HDAC9: variants seen among roughly 807,000 people sequenced by gnomAD.
HDAC9 encodes the protein histone deacetylase 9.
HDAC9 carries 41 observed loss-of-function variants against 139.4 expected under a neutral mutation model. The observed-to-expected ratio is 0.29, with a 90% CI of 0.23 to 0.38. The LOEUF (loss-of-function observed/expected upper bound fraction) is 0.38, where lower values mean the gene tolerates loss of function less well. Among genes scored for constraint, HDAC9 ranks in the 10% least tolerant of loss-of-function variants. The pLI, the probability that HDAC9 is intolerant of heterozygous loss-of-function variation, is 1.00. For synonymous variants in HDAC9, 517 were observed against 476.2 expected (o/e 1.09, Z -1.12); for missense variants, 1,147 against 1,297.0 (o/e 0.88, Z 1.78).
intron 21 of HDAC9, among the ~76,000 whole-genome samples, chr7:18,864,778 A>C (rs531008627): frequency 1.1e-3 from 171 of 152,248 alleles, no homozygotes; most frequent in Non-Finnish European, 2.3e-3. Context: ...TTACTGTTTC[A>C]CGGTTACAGA....
At chr7:18,527,347 G>A (rs1420977088) in intron 2 of HDAC9, among the ~76,000 whole-genome samples, 1 of 152,012 alleles carries the variant, frequency 6.6e-6, no homozygotes, top group Non-Finnish European at 1.5e-5. Flanking sequence ...TTTCACAGTT[G>A]CCTCCCTCTC....
At chr7:18,948,389 G>A (rs1258174131) in intron 23 of HDAC9, among the ~76,000 whole-genome samples, 1 of 151,972 alleles carries the variant, frequency 6.6e-6, no homozygotes, top group Non-Finnish European at 1.5e-5. Context: ...TTAAAAATCA[G>A]TGAAAATTTA....
At chr7:18,607,106 A>C (rs1453507036) in intron 6 of HDAC9, among the ~76,000 whole-genome samples, 2 of 152,222 alleles carry the variant, frequency 1.3e-5, no homozygotes, top group African/African-American at 4.8e-5. Context: ...TGTTAGTTTC[A>C]AATCAATGAA....
chr7:18,822,199 C>T (rs1053010997), intron 17 of HDAC9, among the ~76,000 whole-genome samples: 1 of 152,188 alleles, frequency 6.6e-6, no homozygotes, highest in African/African-American at 2.4e-5. Flanking sequence ...ATATTTCAAT[C>T]TTCTAATCAT....
chr7:18,379,020 C>T (rs1002758095), intron 1 of HDAC9, among the ~76,000 whole-genome samples: 12 of 152,090 alleles, frequency 7.9e-5, no homozygotes, highest in African/African-American at 2.7e-4. Flanking sequence ...CTAAAAAAAT[C>T]ATTATTCTTA....
intron 6 of HDAC9, among the ~76,000 whole-genome samples, chr7:18,624,183 A>G (rs1841010597): frequency 6.6e-6 from 1 of 152,086 alleles, no homozygotes. Flanking sequence ...TAGGTTTACT[A>G]TTCCTCTCCC....
chr7:18,941,487 G>T (rs1448030317), intron 23 of HDAC9, among the ~76,000 whole-genome samples: 3 of 152,074 alleles, frequency 2.0e-5, no homozygotes, highest in Non-Finnish European at 4.4e-5. Context: ...TGCTCATCAG[G>T]GGTTTGTTTT....
intron 13 of HDAC9, among the ~76,000 whole-genome samples, chr7:18,733,480 T>A (rs1017093006): frequency 8.6e-5 from 13 of 151,418 alleles, no homozygotes; most frequent in African/African-American, 2.9e-4. Flanking sequence ...TGCTTGAAAT[T>A]TCTTTCAAAA....
intron 22 of HDAC9, among the ~76,000 whole-genome samples, chr7:18,905,081 C>T (rs1802102356): frequency 2.0e-5 from 3 of 151,780 alleles, no homozygotes; most frequent in Admixed American, 2.0e-4. Flanking sequence ...GGTTTTTTAG[C>T]AACCTGACCA....
chr7:18,898,715 G>T (rs1045990058), intron 22 of HDAC9, among the ~76,000 whole-genome samples: 6 of 151,736 alleles, frequency 4.0e-5, no homozygotes, highest in African/African-American at 1.4e-4. Flanking sequence ...ACATTTGAAT[G>T]GAAAAAAAGG....
chr7:18,862,115 C>T (rs1585175264), intron 21 of HDAC9, among the ~76,000 whole-genome samples: 1 of 152,286 alleles, frequency 6.6e-6, no homozygotes, highest in East Asian at 1.9e-4. Flanking sequence ...ATAGTTTGCT[C>T]TCCACTCTAG....
At position 18,798,970 on chromosome 7, in the gene HDAC9, G is replaced by T. The variant is rs180813627; in HGVS notation, c.2322+5518G>T. Among the ~76,000 whole-genome samples the T allele has an allele frequency of 8.5e-4, 129 of 151,782 alleles. 1 individual carries two copies. Among genetic ancestry groups the T allele is most frequent in the African/African-American group, 3.1e-3 (129 of 41,360 alleles). ...TATGTCAAACTGATTTTGAGGCTCT[G>T]TTCAAACAGGAAGTGAAGGTCCGGG... On this transcript the variant is annotated intron_variant, in intron 17 of 25. Transcript: ENST00000686413.
At chr7:18,682,240 A>G (rs1781938825) in intron 12 of HDAC9, among the ~76,000 whole-genome samples, 2 of 152,058 alleles carry the variant, frequency 1.3e-5, no homozygotes, top group Non-Finnish European at 2.9e-5. Flanking sequence ...TAAACAATCA[A>G]TAACAAAGAG....
At chr7:18,699,486 A>T (rs1025009164) in intron 12 of HDAC9, among the ~76,000 whole-genome samples, 6 of 152,160 alleles carry the variant, frequency 3.9e-5, no homozygotes, top group African/African-American at 1.4e-4. Flanking sequence ...CCTTAGTGCA[A>T]ATAAGAAGTG....
chr7:18,769,381 T>C (rs1009650905), intron 16 of HDAC9, among the ~76,000 whole-genome samples: 3 of 152,074 alleles, frequency 2.0e-5, no homozygotes, highest in Non-Finnish European at 4.4e-5. Flanking sequence ...GAGTAAGTCC[T>C]TAGTAATGTC....
intron 8 of HDAC9, among the ~76,000 whole-genome samples, chr7:18,637,212 C>T (rs1208281112): frequency 1.3e-5 from 2 of 151,912 alleles, no homozygotes; most frequent in Non-Finnish European, 2.9e-5. Flanking sequence ...TGATGATTAC[C>T]TTTCAGGGGG....
rs563663215 is a variant in HDAC9, at chr7:18,891,722, C to G, written c.2803+17126C>G. 4.8e-4 allele frequency among the ~76,000 whole-genome samples: 73 copies of G among 152,202 alleles called. 1 individual carries two copies. Among genetic ancestry groups the G allele is most frequent in the Admixed American group, 2.8e-3 (43 of 15,278 alleles). On this transcript the variant is annotated intron_variant, in intron 22 of 25. Transcript: ENST00000686413. The stretch of plus-strand genomic sequence containing the variant: ...TCAACTTTCAATCCCAATAGATCAC[C>G]AAAGGTTTGGAAGTTTCATCAACTT...
chr7:18,866,058 G>C (rs749264382), intron 21 of HDAC9, among the ~76,000 whole-genome samples: 23 of 148,688 alleles, frequency 1.5e-4, no homozygotes, highest in Non-Finnish European at 2.7e-4. Flanking sequence ...CTCTTGTTCA[G>C]AATGAAATCC....
intron 1 of HDAC9, among the ~76,000 whole-genome samples, chr7:18,152,920 C>A (rs1786890507): frequency 6.6e-6 from 1 of 152,066 alleles, no homozygotes; most frequent in East Asian, 1.9e-4. Context: ...TAGGTGTATC[C>A]TAAATTAGGT....
Sources: allele counts gnomAD v4.1 joint callset (sites outside exome capture counted in the v4.1 genomes callset), GRCh38; gene constraint gnomAD v4.1.1; transcripts MANE v1.5; gene names NCBI Gene and HGNC (gene_info 2026-07-23, HGNC 2026-07-21).